Variants in RCHY1 observed in about 807,000 individuals in gnomAD.
RCHY1 encodes the protein ring finger and CHY zinc finger domain containing 1.
RCHY1 carries 21 observed loss-of-function variants against 41.6 expected under a neutral mutation model. The observed-to-expected ratio is 0.51, with a 90% CI of 0.36 to 0.73. The LOEUF (loss-of-function observed/expected upper bound fraction) is 0.73. RCHY1 is among the 30% of genes least tolerant of loss of function. The pLI is 0.00. For missense variants in RCHY1, 265 were observed against 325.3 expected (o/e 0.81, Z 1.43); for synonymous variants, 79 against 102.9 (o/e 0.77, Z 1.41).
chr4:75,510,455 C>A (rs1338576871), intron 1 of RCHY1, among the ~76,000 whole-genome samples: 1 of 152,154 alleles, frequency 6.6e-6, no homozygotes, highest in Non-Finnish European at 1.5e-5. Context: ...CTTGCAGATC[C>A]ACTCATTTCT....
chr4:75,505,339 G>A (rs763945632), intron 3 of RCHY1, among the ~76,000 whole-genome samples: 2 of 152,120 alleles, frequency 1.3e-5, no homozygotes, highest in African/African-American at 2.4e-5. Flanking sequence ...TGGGGACCCT[G>A]ATATAAGGCA....
intron 8 of RCHY1, among the ~76,000 whole-genome samples, chr4:75,483,344 A>C (rs1178036772): frequency 1.3e-5 from 2 of 152,218 alleles, no homozygotes; most frequent in African/African-American, 2.4e-5. Flanking sequence ...ATAAGCAGAA[A>C]ATTTCCAAAT....
intron 8 of RCHY1, 86 bp downstream of exon 8, chr4:75,490,495 T>TATA: frequency 3.2e-6 from 3 of 937,692 alleles, no homozygotes; most frequent in Non-Finnish European, 1.6e-6. Context: ...ATATATATAT[T>TATA]TTTTTTTTGG....
At chr4:75,495,912 C>A (rs1374979039) in intron 3 of RCHY1, among the ~76,000 whole-genome samples, 1 of 152,220 alleles carries the variant, frequency 6.6e-6, no homozygotes, top group East Asian at 1.9e-4. Context: ...TATACACACA[C>A]ACATATTTAT....
chr4:75,499,907 C>T (rs1723584954), intron 3 of RCHY1, among the ~76,000 whole-genome samples: 3 of 152,204 alleles, frequency 2.0e-5, no homozygotes, highest in African/African-American at 2.4e-5. Flanking sequence ...ACATTTCAAA[C>T]TAGCTAAAAG....
chr4:75,486,871 C>A (rs57275697), intron 8 of RCHY1, among the ~76,000 whole-genome samples: 1 of 151,714 alleles, frequency 6.6e-6, no homozygotes, highest in South Asian at 2.1e-4. Context: ...CCCAGCTACT[C>A]GGGAGGCTGA....
chr4:75,500,201 T>A (rs1357271964), intron 3 of RCHY1, among the ~76,000 whole-genome samples: 1 of 152,194 alleles, frequency 6.6e-6, no homozygotes, highest in Non-Finnish European at 1.5e-5. Context: ...ATTATATGAA[T>A]GCACTGAATT....
chr4:75,500,558 T>C (rs1411232231), intron 3 of RCHY1, among the ~76,000 whole-genome samples: 1 of 152,206 alleles, frequency 6.6e-6, no homozygotes, highest in Non-Finnish European at 1.5e-5. Flanking sequence ...AAATCAGGAA[T>C]AATACACTAT....
At chr4:75,512,682 G>A (rs536202308) in intron 1 of RCHY1, among the ~76,000 whole-genome samples, 2 of 151,862 alleles carry the variant, frequency 1.3e-5, no homozygotes, top group Non-Finnish European at 2.9e-5. Flanking sequence ...TAAACCCCAA[G>A]AATACCCTAT....
In RCHY1 at chr4:75,481,105, GA is replaced by G. The variant is rs1721490471; in HGVS notation, c.*1432del. The G allele has an allele frequency of 6.6e-6, 1 of 152,278 alleles. No individual in the cohort carries two copies. The highest frequency in any genetic ancestry group is 2.4e-5 in the African/African-American group (1 of 41,446). The allele number at this position is 152,278 out of a possible 1,614,324, so 9.4% of individuals were successfully genotyped here. A position where few individuals can be genotyped will look rare whatever the true frequency, so the allele number is the denominator to read the frequency against. ...GCACTGCTGCTCTGGCCAGGCCAAG[GA>G]AACAGATGAAGGGAAAGAACATAAG... On this transcript the variant is annotated 3_prime_UTR_variant, in exon 9 of 9. Coordinates refer to ENST00000324439, the MANE Select transcript of RCHY1 (RefSeq NM_015436.4).
chr4:75,484,528 C>T (rs1314655299), intron 8 of RCHY1, among the ~76,000 whole-genome samples: 2 of 152,044 alleles, frequency 1.3e-5, no homozygotes, highest in African/African-American at 4.8e-5. Flanking sequence ...CTGCCCTCTT[C>T]AATTCTTCTT....
chr4:75,493,107 T>C (rs1002430873), intron 4 of RCHY1, among the ~76,000 whole-genome samples: 1 of 151,996 alleles, frequency 6.6e-6, no homozygotes, highest in African/African-American at 2.4e-5. Context: ...TAAGATACTA[T>C]TGACTCCTGG....
rs1721574149 is a variant in RCHY1 at position 75,482,196 on chromosome 4, A to G, written c.*342T>C. 6.3e-6 allele frequency: 1 copy of G among 158,636 alleles called. No individual in the cohort carries two copies. Among genetic ancestry groups the G allele is most frequent in the Non-Finnish European group, 1.4e-5 (1 of 72,542 alleles). 9.8% of individuals were successfully genotyped at this position (158,636 alleles called of 1,614,324 possible). A position where few individuals can be genotyped will look rare whatever the true frequency, so the allele number is the denominator to read the frequency against. Reference sequence around the variant, plus strand: ...AAGTGCAGTTCTATCAAGAACTAGAAATGAACTGCACGCGTAGTGTCACTT... The same window carrying G: ...AAGTGCAGTTCTATCAAGAACTAGAGATGAACTGCACGCGTAGTGTCACTT... On this transcript the variant is annotated 3_prime_UTR_variant, in exon 9 of 9. Transcript: ENST00000324439.
chr4:75,483,225 A>T (rs1721672784), intron 8 of RCHY1, among the ~76,000 whole-genome samples: 2 of 152,226 alleles, frequency 1.3e-5, no homozygotes, highest in South Asian at 4.1e-4. Context: ...TTTAAGAATT[A>T]ATTTCTTCTA....
At chr4:75,492,224 CA>C (rs1722818020) in intron 4 of RCHY1, among the ~76,000 whole-genome samples, 2 of 151,764 alleles carry the variant, frequency 1.3e-5, no homozygotes, top group Admixed American at 6.6e-5. Context: ...ACCCAAGATC[CA>C]AAGATAATAA....
chr4:75,506,782 G>C (rs1021971153), intron 3 of RCHY1, among the ~76,000 whole-genome samples: 1 of 151,998 alleles, frequency 6.6e-6, no homozygotes, highest in Non-Finnish European at 1.5e-5. Flanking sequence ...TCAAGCCACA[G>C]ATTCAACAAA....
chr4:75,501,327 T>C (rs1699825647), intron 3 of RCHY1, among the ~76,000 whole-genome samples: 1 of 152,192 alleles, frequency 6.6e-6, no homozygotes, highest in Admixed American at 6.5e-5. Context: ...ATTTTTATTA[T>C]CTAAAAAATA....
intron 1 of RCHY1, 53 bp downstream of exon 1, chr4:75,514,144 C>T (rs1238613471): frequency 1.3e-6 from 2 of 1,577,280 alleles, no homozygotes; most frequent in Middle Eastern, 1.7e-4. Context: ...CCCAGCCCGC[C>T]CCAGCCCAAC....
intron 3 of RCHY1, among the ~76,000 whole-genome samples, chr4:75,501,518 T>C (rs747596806): frequency 3.9e-4 from 59 of 152,192 alleles, no homozygotes; most frequent in Admixed American, 1.9e-3. Flanking sequence ...AAAATAAACA[T>C]TTCAAATATT....
Sources: allele counts gnomAD v4.1 joint callset (sites outside exome capture counted in the v4.1 genomes callset), GRCh38; gene constraint gnomAD v4.1.1; transcripts MANE v1.5; gene names NCBI Gene and HGNC (gene_info 2026-07-23, HGNC 2026-07-21).